Variants in WDR83 observed in about 807,000 individuals in gnomAD.
WDR83 encodes the protein WD repeat domain 83.
Under a neutral mutation model 37.7 loss-of-function variants are expected in WDR83, and 37 were observed. The observed-to-expected ratio is 0.98, with a 90% CI of 0.76 to 1.29. The LOEUF (loss-of-function observed/expected upper bound fraction) is 1.29, where lower values mean the gene tolerates loss of function less well. WDR83 is among the 50% of genes most tolerant of loss of function. The pLI is 0.00. For missense variants in WDR83, 445 were observed against 414.4 expected, an observed-to-expected ratio of 1.07 and a Z score of -0.64; for synonymous variants, 174 against 181.1, an observed-to-expected ratio of 0.96 and a Z score of 0.31.
At chr19:12,672,784 C>CAG in intron 7 of WDR83, 63 bp from the exon 8 acceptor site, 1 of 1,522,376 alleles carries the variant, frequency 6.6e-7, no homozygotes, top group Non-Finnish European at 8.9e-7. Context: ...TGGGAAGGCA[C>CAG]AGGGCTGCCT....
intron 2 of WDR83, 42 bp from the exon 3 acceptor site, chr19:12,669,713 C>A: frequency 7.1e-7 from 1 of 1,398,698 alleles, no homozygotes; most frequent in Non-Finnish European, 9.8e-7. Context: ...AATAAGGTTA[C>A]ACCCAAGCGT....
Position 12,670,842 on chromosome 19 carries a change from G to A in WDR83, c.506+21G>A, listed in dbSNP as rs199668267. 3.4e-5 allele frequency: 54 copies of A among 1,607,568 alleles called. No individual in the cohort carries two copies. In the East Asian group the frequency reaches 1.2e-3, roughly 36 times the overall value. ...GCAGGGTGAGTGGAGCCAGGACCTG[G>A]TCTCACCCCAGGTGCTACGGGGAAT... On this transcript the variant is annotated intron_variant, in intron 7 of 10. Coordinates refer to ENST00000418543, the MANE Select transcript of WDR83 (RefSeq NM_001099737.3).
At position 12,670,627 on chromosome 19, in the gene WDR83, A is replaced by AAGCACG. The variant is rs1316954295; in HGVS notation, c.379+17_379+22dup. 1 of 1,614,186 alleles carries AAGCACG rather than the reference A, an allele frequency of 6.2e-7. No homozygotes were observed. The highest frequency in any genetic ancestry group is 8.5e-7 in the Non-Finnish European group (1 of 1,180,016). On this transcript the variant is annotated intron_variant, in intron 6 of 10. Transcript: ENST00000418543. The stretch of plus-strand genomic sequence containing the variant: ...ATCCTGTCCGGTGAGTCTGGGGCCT[A>AAGCACG]AGCACGGGGGCCCAGGGTGCTGCCC...
intron 1 of WDR83, 116 bp from the exon 2 acceptor site, chr19:12,668,392 C>T (rs1432400592): frequency 3.1e-6 from 5 of 1,613,562 alleles, no homozygotes; most frequent in South Asian, 1.1e-5. Context: ...GAGGATTCTG[C>T]AGATAGGACA....
chr19:12,668,382 G>A, intron 1 of WDR83, 126 bp from the exon 2 acceptor site: 1 of 1,613,452 alleles, frequency 6.2e-7, no homozygotes, highest in Non-Finnish European at 8.5e-7. Context: ...GTCATGGGCT[G>A]AGGATTCTGC....
Position 12,670,304 on chromosome 19 carries a change from A to G in WDR83, c.330+19A>G, listed in dbSNP as rs780938004. On this transcript the variant is annotated intron_variant, in intron 5 of 10. Coordinates refer to ENST00000418543, the MANE Select transcript of WDR83 (RefSeq NM_001099737.3). ...CGCAGGGGTGAGTGAAAGCCTGGAGACCCTCATTTGAGTGGAGGGGACCCG... is the reference window on the plus strand; with the variant it reads ...CGCAGGGGTGAGTGAAAGCCTGGAGGCCCTCATTTGAGTGGAGGGGACCCG... 1.2e-6 allele frequency: 2 copies of G among 1,610,668 alleles called. No individual in the cohort carries two copies. The highest frequency in any genetic ancestry group is 1.7e-4 in the Middle Eastern group (1 of 6,040).
chr19:12,671,118 A>G, intron 7 of WDR83: 3 of 305,284 alleles, frequency 9.8e-6, no homozygotes, highest in South Asian at 3.1e-5. Flanking sequence ...ACTTGAGGTC[A>G]GGAGGTTGAG....
chr19:12,674,052 A>G (rs564144282), intron 10 of WDR83, among the ~76,000 whole-genome samples: 1 of 152,288 alleles, frequency 6.6e-6, no homozygotes, highest in African/African-American at 2.4e-5. Context: ...AGGGAACAGC[A>G]TATGTTAAGA....
intron 2 of WDR83, chr19:12,669,469 A>C: frequency 6.5e-7 from 1 of 1,549,048 alleles, no homozygotes; most frequent in Non-Finnish European, 8.7e-7. Context: ...GTGCAAGCTG[A>C]GGGCGGATTT....
intron 7 of WDR83, among the ~76,000 whole-genome samples, chr19:12,671,845 G>A (rs77485658): frequency 2.0e-5 from 3 of 151,876 alleles, no homozygotes; most frequent in African/African-American, 7.3e-5. Flanking sequence ...CTACAGTCGC[G>A]TGCCACCACG....
At chr19:12,675,451 G>A (rs2024546096) in intron 10 of WDR83, 72 bp from the exon 11 acceptor site, 1 of 1,555,380 alleles carries the variant, frequency 6.4e-7, no homozygotes, top group South Asian at 1.2e-5. Context: ...TGAGATGGGG[G>A]GTGCCCAGGG....
chr19:12,670,220 A>G lies in WDR83; in HGVS notation c.265A>G (p.Lys89Glu), dbSNP rs1304153495. Residue 89 changes from lysine to glutamate, a missense_variant, in exon 5 of 11, where the codon AAG becomes GAG. Physicochemically the swap from Lys to Glu is moderately conservative, Grantham distance 56. Coordinates refer to ENST00000418543, the MANE Select transcript of WDR83 (RefSeq NM_001099737.3). ...NSSLCSGGGD[K>E]AVVLWDVASG... is the part of the protein sequence containing the mutation. ...TAGTCTCTGCTCCGGCGGCGGGGACAAGGCGGTGGTTCTGTGGGATGTGGC... is the reference window on the plus strand; with the variant it reads ...TAGTCTCTGCTCCGGCGGCGGGGACGAGGCGGTGGTTCTGTGGGATGTGGC... 3 of 1,614,030 alleles carry G rather than the reference A, an allele frequency of 1.9e-6. No homozygotes were observed. The African/African-American group carries it at 4.0e-5, about 22-fold the overall frequency.
At chr19:12,674,482 G>A (rs541918506) in intron 10 of WDR83, among the ~76,000 whole-genome samples, 37 of 152,190 alleles carry the variant, frequency 2.4e-4, no homozygotes. Flanking sequence ...ACAAGCTCTT[G>A]CTTTAGGAAC....
At chr19:12,669,495 G>C (rs576731565) in intron 2 of WDR83, 4 of 1,461,396 alleles carry the variant, frequency 2.7e-6, no homozygotes, top group Non-Finnish European at 3.7e-6. Flanking sequence ...TAACACCCGA[G>C]GCCCTCGCAT....
At chr19:12,674,808 A>G (rs1291632228) in intron 10 of WDR83, among the ~76,000 whole-genome samples, 1 of 152,118 alleles carries the variant, frequency 6.6e-6, no homozygotes, top group Non-Finnish European at 1.5e-5. Flanking sequence ...TGATAGAGGA[A>G]CATGTGGTAC....
chr19:12,672,548 C>A (rs561307368), intron 7 of WDR83: 1 of 391,020 alleles, frequency 2.6e-6, no homozygotes, highest in African/African-American at 2.0e-5. Flanking sequence ...GCAGAGGTTC[C>A]GGTGAGCCAA....
intron 2 of WDR83, chr19:12,669,485 T>A: frequency 6.6e-7 from 1 of 1,506,886 alleles, no homozygotes; most frequent in Non-Finnish European, 9.0e-7. Flanking sequence ...GATTTTAGAG[T>A]AACACCCGAG....
rs1489814215 is a variant in WDR83 at position 12,675,645 on chromosome 19, C to T, written c.921C>T (p.Ala307=). 1 of 1,601,668 alleles carries T rather than the reference C, an allele frequency of 6.2e-7. No individual in the cohort carries two copies. The highest frequency in any genetic ancestry group is 8.5e-7 in the Non-Finnish European group (1 of 1,179,672). Reference sequence around the variant, plus strand: ...GCGTCCAGTGCTGGCGAGAGGAGGCCTATGAGGCAGAGGATGGAGCAGGCT... The same window carrying T: ...GCGTCCAGTGCTGGCGAGAGGAGGCTTATGAGGCAGAGGATGGAGCAGGCT... ...GGSVQCWREE[A]YEAEDGAG The change falls in exon 11 of 11, where the codon GCC becomes GCT. Residue 307 remains alanine, a synonymous_variant. Transcript: ENST00000418543.
intron 7 of WDR83, 173 bp downstream of exon 7, chr19:12,670,994 T>C (rs746287640): frequency 6.0e-5 from 55 of 921,330 alleles, no homozygotes; most frequent in Middle Eastern, 3.5e-4. Context: ...CGAGGCACCA[T>C]TGCACTCCAT....
Sources: gnomAD v4.1 joint callset for allele counts (sites outside exome capture counted in the v4.1 genomes callset) on GRCh38, gnomAD v4.1.1 for gene constraint, MANE v1.5 for transcripts, NCBI Gene and HGNC (gene_info 2026-07-23, HGNC 2026-07-21) for gene names.